The following COL20A1 variants were observed in gnomAD, a reference collection of about 807,000 sequenced individuals.
COL20A1 encodes the protein collagen alpha-1(XX) chain.
Under a neutral mutation model 152.9 loss-of-function variants are expected in COL20A1, and 164 were observed. The observed-to-expected ratio is 1.07, with a 90% CI of 0.94 to 1.22. COL20A1 has a LOEUF of 1.22. COL20A1 is among the 50% of genes most tolerant of loss of function. The pLI is 0.00. For missense variants in COL20A1, 1,873 were observed against 1,744.8 expected (o/e 1.07, Z -1.31); for synonymous variants, 864 against 756.0 (o/e 1.14, Z -2.34).
chr20:63,329,412 G>C (rs544239880), intron 34 of COL20A1, 173 bp from the exon 35 acceptor site: 103 of 86,848 alleles, frequency 1.2e-3, no homozygotes, highest in African/African-American at 9.2e-3. Flanking sequence ...GGAGGCGCCT[G>C]TGTGGAGCAC....
chr20:63,328,782 G>A (rs1015340675), intron 34 of COL20A1, among the ~76,000 whole-genome samples: 6 of 152,100 alleles, frequency 3.9e-5, no homozygotes, highest in African/African-American at 1.4e-4. Flanking sequence ...GGGCCACACA[G>A]GAGAGCCCAG....
chr20:63,327,837 C>T (rs557371099), intron 31 of COL20A1, 115 bp from the exon 32 acceptor site: 14 of 1,077,696 alleles, frequency 1.3e-5, no homozygotes, highest in African/African-American at 9.4e-5. Context: ...TTTCACACCG[C>T]CACTGTGGCT....
At chr20:63,326,299 G>A in intron 30 of COL20A1, 150 bp downstream of exon 30, 1 of 657,126 alleles carries the variant, frequency 1.5e-6, no homozygotes, top group Non-Finnish European at 2.7e-6. Flanking sequence ...ACTTTCTGCA[G>A]GGCCCTGTGG....
At chr20:63,300,169 A>G (rs78453419) in intron 3 of COL20A1, among the ~76,000 whole-genome samples, 1,709 of 152,308 alleles carry the variant, frequency 0.011, 37 homozygotes, top group African/African-American at 0.039. Context: ...TTGGCCAATA[A>G]CTACCCTTTC....
Position 63,305,990 on chromosome 20 carries a change from T to G in COL20A1, c.447T>G (p.Ala149=), listed in dbSNP as rs754789883. The change falls in exon 5 of 36, where the codon GCT becomes GCG. Residue 149 remains alanine, a synonymous_variant. Coordinates refer to ENST00000358894, the MANE Select transcript of COL20A1 (RefSeq NM_020882.4). The surrounding 1 kb of genome is among the most constrained non-coding windows in gnomAD (Gnocchi z 4.9). ...SHTGSPDPEQ[A]SEPQVAFTPS... ...CGGGGAGCCCAGACCCTGAGCAGGC[T>G]TCTGAGCCCCAAGTTGCCTTCACAC... 2 of 1,612,732 alleles carry G rather than the reference T, an allele frequency of 1.2e-6. No individual in the cohort carries two copies. Among genetic ancestry groups the G allele is most frequent in the South Asian group, 1.1e-5 (1 of 91,016 alleles).
chr20:63,313,094 C>T lies in COL20A1; in HGVS notation c.2077-23C>T. 6.3e-7 allele frequency: 1 copy of T among 1,597,314 alleles called. No individual in the cohort carries two copies. The highest frequency in any genetic ancestry group is 8.5e-7 in the Non-Finnish European group (1 of 1,172,760). On this transcript the variant is annotated intron_variant, in intron 16 of 35. Transcript: ENST00000358894. This position sits in a 1 kb window ranked among gnomAD's most constrained non-coding sequence, Gnocchi z 5.9. ...TGAGGACCCCACTGCACCCGGTGAC[C>T]CCTGGGGCTCTCCTCTCCCTAGATC...
intron 2 of COL20A1, among the ~76,000 whole-genome samples, chr20:63,296,656 C>T (rs549697240): frequency 5.1e-4 from 77 of 152,346 alleles, no homozygotes; most frequent in African/African-American, 1.7e-3. Flanking sequence ...CCCTGACGTT[C>T]TCAGGCAGAG....
intron 11 of COL20A1, 30 bp downstream of exon 11, chr20:63,310,540 C>G: frequency 6.4e-7 from 1 of 1,556,450 alleles, no homozygotes; most frequent in Non-Finnish European, 8.7e-7. Flanking sequence ...CGGCCAGGTT[C>G]TGGGTGGGAG....
At chr20:63,301,175 C>T (rs1205445675) in intron 3 of COL20A1, among the ~76,000 whole-genome samples, 3 of 152,134 alleles carry the variant, frequency 2.0e-5, no homozygotes, top group Non-Finnish European at 2.9e-5. Context: ...ATTAGCTGGG[C>T]GTGGTGGCAC....
chr20:63,315,872 C>A (rs2068077420), intron 20 of COL20A1, among the ~76,000 whole-genome samples: 1 of 152,212 alleles, frequency 6.6e-6, no homozygotes. Context: ...GAAGGGGCTG[C>A]GGCCTCTGCC....
chr20:63,305,857 A>C lies in COL20A1; in HGVS notation c.338-24A>C. On this transcript the variant is annotated intron_variant, in intron 4 of 35. Coordinates refer to ENST00000358894, the MANE Select transcript of COL20A1 (RefSeq NM_020882.4). This position sits in a 1 kb window ranked among gnomAD's most constrained non-coding sequence, Gnocchi z 4.9. ...GACCAGGCCCTCCACTCCCACCCTG[A>C]TGGCTCTTTGTGTCTCCCTGCAGTT... 1 of 1,612,360 alleles carries C rather than the reference A, an allele frequency of 6.2e-7. No homozygotes were observed. Among genetic ancestry groups the C allele is most frequent in the Non-Finnish European group, 8.5e-7 (1 of 1,179,372 alleles).
In COL20A1 at chr20:63,334,786, T is replaced by C. The variant is rs1393208665; in HGVS notation, c.*4070T>C. 2 of 152,252 alleles carry C rather than the reference T, an allele frequency of 1.3e-5. No homozygotes were observed. Among genetic ancestry groups the C allele is most frequent in the African/African-American group, 4.8e-5 (2 of 41,460 alleles). The allele number at this position is 152,252 out of a possible 1,614,324, so 9.4% of individuals were successfully genotyped here. A position where few individuals can be genotyped will look rare whatever the true frequency, so the allele number is the denominator to read the frequency against. ...ATTTTAAATAGTAGAAAATAAACCC[T>C]GAAGCAGTGTGCATTCATTAGTACT... On this transcript the variant is annotated 3_prime_UTR_variant, in exon 36 of 36. Coordinates refer to ENST00000358894, the MANE Select transcript of COL20A1 (RefSeq NM_020882.4).
Position 63,309,493 on chromosome 20 carries a change from C to A in COL20A1, c.1101C>A (p.Gly367=). 6.6e-7 allele frequency: 1 copy of A among 1,517,428 alleles called. No individual in the cohort carries two copies. Among genetic ancestry groups the A allele is most frequent in the South Asian group, 1.2e-5 (1 of 81,652 alleles). The allele number at this position is 1,517,428 out of a possible 1,614,324, so 94.0% of individuals were successfully genotyped here. The part of the protein sequence containing the change: ...QRLQGGSPRQ[G]PAAAPALDTL... ...TCCAGGGTGGGAGCCCGCGGCAGGGCCCAGGTGAGGGGCAGGGTCACCCGC... is the reference window on the plus strand; with the variant it reads ...TCCAGGGTGGGAGCCCGCGGCAGGGACCAGGTGAGGGGCAGGGTCACCCGC... The change falls in exon 9 of 36, where the codon GGC becomes GGA. Residue 367 remains glycine (G), a synonymous_variant. Transcript: ENST00000358894.
chr20:63,320,273 G>A lies in COL20A1; in HGVS notation c.3076-18G>A, dbSNP rs372500234. On this transcript the variant is annotated intron_variant, in intron 24 of 35. Coordinates refer to ENST00000358894, the MANE Select transcript of COL20A1 (RefSeq NM_020882.4). ...CCTCTCTGAGCCCCGGGGCTGAGCC[G>A]GCTCCCCTGCGTTGCAGTTTCAGCT... The A allele has an allele frequency of 7.0e-5, 112 of 1,608,142 alleles. No individual in the cohort carries two copies. In the Middle Eastern group the frequency reaches 3.3e-3, roughly 47 times the overall value.
rs1426377458 is a variant in COL20A1 at position 63,306,666 on chromosome 20, G to C, written c.496+627G>C. 6.6e-6 allele frequency among the ~76,000 whole-genome samples: 1 copy of C among 152,220 alleles called. No individual in the cohort carries two copies. Among genetic ancestry groups the C allele is most frequent in the Non-Finnish European group, 1.5e-5 (1 of 68,036 alleles). On this transcript the variant is annotated intron_variant, in intron 5 of 35. Transcript: ENST00000358894. The surrounding 1 kb of genome is among the most constrained non-coding windows in gnomAD (Gnocchi z 6.9). ...AGGTAAGGGGTGGGCACAGACGGGG[G>C]CAGTGCACTGTGTCTGCCCATAAGG... is the stretch of plus-strand genomic sequence containing the variant.
At chr20:63,314,922 C>T (rs953656093) in intron 19 of COL20A1, among the ~76,000 whole-genome samples, 1 of 148,848 alleles carries the variant, frequency 6.7e-6, no homozygotes, top group Admixed American at 6.7e-5. Context: ...CCAGGACATG[C>T]GTGTCCCCAG....
At chr20:63,325,516 G>A (rs751947444) in intron 28 of COL20A1, 22 bp downstream of exon 28, 2 of 1,607,880 alleles carry the variant, frequency 1.2e-6, no homozygotes, top group South Asian at 2.2e-5. Flanking sequence ...GGGGCCAGGG[G>A]GCCACAGGGG....
chr20:63,321,842 T>G (rs937321342), intron 26 of COL20A1, among the ~76,000 whole-genome samples: 3 of 151,508 alleles, frequency 2.0e-5, no homozygotes, highest in African/African-American at 7.4e-5. Flanking sequence ...GGGCCGGGGT[T>G]TGAACCCAGA....
intron 21 of COL20A1, among the ~76,000 whole-genome samples, chr20:63,316,993 G>A (rs1424382912): frequency 1.3e-5 from 2 of 152,078 alleles, no homozygotes; most frequent in African/African-American, 4.8e-5. Flanking sequence ...AGGAGCCCCA[G>A]ACTGACCTGA....
Sources: gnomAD v4.1 joint callset for allele counts (sites outside exome capture counted in the v4.1 genomes callset) on GRCh38, gnomAD v4.1.1 for gene constraint, Gnocchi (gnomAD v3.1) non-coding constraint, MANE v1.5 for transcripts, NCBI Gene and HGNC (gene_info 2026-07-23, HGNC 2026-07-21) for gene names.